The following MAP2K3 variants were observed in gnomAD, a reference collection of about 807,000 sequenced individuals.
MAP2K3 encodes mitogen-activated protein kinase kinase 3.
MAP2K3 carries 30 observed loss-of-function variants against 46.4 expected under a neutral mutation model. The observed-to-expected ratio is 0.65, with a 90% CI of 0.48 to 0.88. The LOEUF is 0.88. MAP2K3 is among the 40% of genes least tolerant of loss of function. The pLI, the probability that MAP2K3 is intolerant of heterozygous loss-of-function variation, is 0.00. For missense variants in MAP2K3, 380 were observed against 464.5 expected (o/e 0.82, Z 1.67); for synonymous variants, 189 against 176.3 (o/e 1.07, Z -0.57).
intron 1 of MAP2K3, 176 bp downstream of exon 1, chr17:21,285,145 C>T: frequency 1.2e-6 from 1 of 859,196 alleles, no homozygotes; most frequent in Non-Finnish European, 1.4e-6. Flanking sequence ...GGGCCCTCAC[C>T]TGGACCCCCA....
intron 1 of MAP2K3, chr17:21,295,659 T>G (rs1976198554): frequency 9.3e-6 from 12 of 1,289,492 alleles, no homozygotes; most frequent in African/African-American, 1.5e-5. Context: ...TGATGCAGGC[T>G]TGGTGTCCCC....
At chr17:21,303,030 A>C (rs1976692394) in intron 6 of MAP2K3, among the ~76,000 whole-genome samples, 153 bp from the exon 7 acceptor site, 1 of 152,312 alleles carries the variant, frequency 6.6e-6, no homozygotes, top group South Asian at 2.1e-4. Context: ...AAATGCCAGG[A>C]CAGGGCAGGA....
chr17:21,312,225 C>A lies in MAP2K3; in HGVS notation c.858C>A (p.Ser286=), dbSNP rs55736474. The change falls in exon 10 of 12, where the codon TCC becomes TCA. Residue 286 remains serine (S), a synonymous_variant. Coordinates refer to ENST00000342679, the MANE Select transcript of MAP2K3 (RefSeq NM_145109.3). The stretch of plus-strand genomic sequence containing the variant: ...TGAAGCAGGTGGTGGAGGAGCCGTC[C>A]CCCCAGCTCCCAGCCGACCGTTTCT... ...QQLKQVVEEP[S]PQLPADRFSP... 540 of 1,603,474 alleles carry A rather than the reference C, an allele frequency of 3.4e-4. 5 individuals carry two copies. The African/African-American group carries it at 6.4e-3, about 19-fold the overall frequency.
Position 21,314,522 on chromosome 17 carries a change from C to T in MAP2K3, c.*292C>T. 1 of 433,718 alleles carries T rather than the reference C, an allele frequency of 2.3e-6. No individual in the cohort carries two copies. Among genetic ancestry groups the T allele is most frequent in the South Asian group, 2.8e-5 (1 of 36,282 alleles). The allele number at this position is 433,718 out of a possible 1,614,324, so 26.9% of individuals were successfully genotyped here. ...CTGGACTGAGGGGGCCTGGATGCCC[C>T]CTGTGGATGCTGCTGCCCCTGCACA... On this transcript the variant is annotated 3_prime_UTR_variant, in exon 12 of 12. Coordinates refer to ENST00000342679, the MANE Select transcript of MAP2K3 (RefSeq NM_145109.3).
Position 21,303,080 on chromosome 17 carries a change from G to A in MAP2K3, c.517-103G>A, listed in dbSNP as rs1008367099. 94 of 1,475,684 alleles carry A rather than the reference G, an allele frequency of 6.4e-5. No individual in the cohort carries two copies. In the Middle Eastern group the frequency reaches 6.9e-4, roughly 11 times the overall value. The allele number at this position is 1,475,684 out of a possible 1,614,324, so 91.4% of individuals were successfully genotyped here. On this transcript the variant is annotated intron_variant, in intron 6 of 11. Coordinates refer to ENST00000342679, the MANE Select transcript of MAP2K3 (RefSeq NM_145109.3). ...GGTGCGTAGCCTGTGCAGCGGGAGC[G>A]GGAGACAGGTGGACATGGATGGGGT...
chr17:21,288,249 C>G (rs139699465), intron 1 of MAP2K3, among the ~76,000 whole-genome samples: 111 of 152,372 alleles, frequency 7.3e-4, no homozygotes, highest in African/African-American at 2.6e-3. Context: ...GGAGGTGGCC[C>G]CTTCCTGGGC....
chr17:21,302,044 GAGGGGGCT>G lies in MAP2K3; in HGVS notation c.400-98_400-91del, dbSNP rs1398000405. 2.5e-5 allele frequency: 30 copies of G among 1,220,282 alleles called. No individual in the cohort carries two copies. In the East Asian group the frequency reaches 4.0e-4, roughly 16 times the overall value. 75.6% of individuals were successfully genotyped at this position (1,220,282 alleles called of 1,614,324 possible). A position where few individuals can be genotyped will look rare whatever the true frequency, so the allele number is the denominator to read the frequency against. On this transcript the variant is annotated intron_variant, in intron 5 of 11. Coordinates refer to ENST00000342679, the MANE Select transcript of MAP2K3 (RefSeq NM_145109.3). ...GCTGAGTGGGTGGGCACACGTCGGA[GAGGGGGCT>G]GGGGCTGGGGCTGGTGCTGGGGCAG... is the stretch of plus-strand genomic sequence containing the variant.
chr17:21,291,501 G>A (rs1490093117), intron 1 of MAP2K3: 6 of 456,360 alleles, frequency 1.3e-5, no homozygotes, highest in Non-Finnish European at 2.6e-5. Context: ...CCTCGAGCCG[G>A]GCCCACGTGG....
rs749679371 is a variant in MAP2K3, at chr17:21,302,150, T to A, written c.407T>A (p.Val136Glu). The change falls in exon 6 of 12, where the codon GTG becomes GAG. Residue 136 changes from valine to glutamate, a missense_variant. Coordinates refer to ENST00000342679, the MANE Select transcript of MAP2K3 (RefSeq NM_145109.3). ...FYGALFREGD[V>E]WICMELMDTS... is the part of the protein sequence containing the mutation. ...TCTGGGTGTCACCCACAGGGAGACGTGTGGATCTGCATGGAGCTCATGGAC... is the reference window on the plus strand; with the variant it reads ...TCTGGGTGTCACCCACAGGGAGACGAGTGGATCTGCATGGAGCTCATGGAC... The A allele has an allele frequency of 6.2e-7, 1 of 1,614,140 alleles. No homozygotes were observed. Among genetic ancestry groups the A allele is most frequent in the African/African-American group, 1.3e-5 (1 of 74,964 alleles).
At chr17:21,310,541 C>T (rs1321549260) in intron 9 of MAP2K3, among the ~76,000 whole-genome samples, 1 of 152,278 alleles carries the variant, frequency 6.6e-6, no homozygotes, top group Admixed American at 6.5e-5. Context: ...GCAAGGGCCC[C>T]AGAGCTCTCT....
chr17:21,292,345 G>A (rs559095857), intron 1 of MAP2K3, among the ~76,000 whole-genome samples: 811 of 152,030 alleles, frequency 5.3e-3, no homozygotes, highest in Non-Finnish European at 9.4e-3. Flanking sequence ...GTTTCTCCTC[G>A]GAATACTCTG....
At chr17:21,303,319 A>G (rs1976710708) in intron 7 of MAP2K3, 85 bp downstream of exon 7, 4 of 1,587,278 alleles carry the variant, frequency 2.5e-6, no homozygotes, top group Non-Finnish European at 3.4e-6. Context: ...CCTATGAGCA[A>G]CTGTGGCTCC....
intron 9 of MAP2K3, among the ~76,000 whole-genome samples, chr17:21,309,622 T>C (rs1977068244): frequency 6.6e-6 from 1 of 152,058 alleles, no homozygotes; most frequent in Non-Finnish European, 1.5e-5. Flanking sequence ...GCTTCTCTTT[T>C]TTTGTTGTTG....
At position 21,315,163 on chromosome 17, in the gene MAP2K3, CGGGTCCTTTCCCTGAT is replaced by C. The variant is rs1421720581; in HGVS notation, c.*938_*953del. Reference sequence around the variant, plus strand: ...TTTTTGAAAAAACGACTGCCCATCCCGGGTCCTTTCCCTGATGGGTTGGGGCAGTTACCTGGTTGCT... The same window carrying C: ...TTTTTGAAAAAACGACTGCCCATCCCGGGTTGGGGCAGTTACCTGGTTGCT... On this transcript the variant is annotated 3_prime_UTR_variant, in exon 12 of 12. Transcript: ENST00000342679. 18 of 151,842 alleles carry C rather than the reference CGGGTCCTTTCCCTGAT, an allele frequency of 1.2e-4. No individual in the cohort carries two copies. The East Asian group carries it at 3.1e-3, about 26-fold the overall frequency. 9.4% of individuals were successfully genotyped at this position (151,842 alleles called of 1,614,324 possible).
chr17:21,309,997 TTTGTTTTTTTTG>T (rs1977088669), intron 9 of MAP2K3, among the ~76,000 whole-genome samples: 1 of 152,024 alleles, frequency 6.6e-6, no homozygotes, highest in South Asian at 2.1e-4. Flanking sequence ...TTTTTTGTTT[TTTGTTTTTTTTG>T]TTGTTTTTTT....
chr17:21,292,566 T>G (rs1483079434), intron 1 of MAP2K3, among the ~76,000 whole-genome samples: 1 of 152,308 alleles, frequency 6.6e-6, no homozygotes, highest in African/African-American at 2.4e-5. Context: ...GATTTTGTCA[T>G]GTTGCCCAGG....
chr17:21,302,043 AGAGGG>A, intron 5 of MAP2K3, 95 bp from the exon 6 acceptor site: 3 of 2,592 alleles, frequency 1.2e-3, no homozygotes, highest in Non-Finnish European at 1.5e-3. Flanking sequence ...CACACGTCGG[AGAGGG>A]GGCTGGGGCT....
intron 1 of MAP2K3, 49 bp downstream of exon 1, chr17:21,285,018 G>A: frequency 6.3e-7 from 1 of 1,582,440 alleles, no homozygotes; most frequent in Non-Finnish European, 8.6e-7. Context: ...CCTAATCTGG[G>A]GCCGGGCTGC....
At chr17:21,290,700 C>T (rs1485871400) in intron 1 of MAP2K3, among the ~76,000 whole-genome samples, 3 of 152,304 alleles carry the variant, frequency 2.0e-5, no homozygotes, top group Admixed American at 6.5e-5. Context: ...TGATAAATCC[C>T]AGCCTTTGGG....
Sources: gnomAD v4.1 joint callset for allele counts (sites outside exome capture counted in the v4.1 genomes callset) on GRCh38, gnomAD v4.1.1 for gene constraint, MANE v1.5 for transcripts, NCBI Gene and HGNC (gene_info 2026-07-23, HGNC 2026-07-21) for gene names.